The following BCAS4 variants were observed in gnomAD, a reference collection of about 807,000 sequenced individuals.
BCAS4 encodes the protein breast carcinoma-amplified sequence 4.
In BCAS4, 9 loss-of-function variants were observed where a neutral mutation model predicts 15.7. That is an observed-to-expected ratio of 0.57 (90% confidence interval 0.34 to 1.00). The LOEUF is 1.00. BCAS4 is among the 50% of genes least tolerant of loss of function. BCAS4 has a pLI of 0.02. For missense variants in BCAS4, 225 were observed against 239.1 expected, an observed-to-expected ratio of 0.94 and a Z score of 0.39; for synonymous variants, 101 against 99.5, an observed-to-expected ratio of 1.02 and a Z score of -0.09.
chr20:50,844,835 C>G (rs1198822975), intron 4 of BCAS4, among the ~76,000 whole-genome samples: 1 of 152,180 alleles, frequency 6.6e-6, no homozygotes, highest in Non-Finnish European at 1.5e-5. Flanking sequence ...TGGAGAGCCC[C>G]CTAGACCTAC....
intron 3 of BCAS4, among the ~76,000 whole-genome samples, chr20:50,837,768 C>T (rs535063020): frequency 1.3e-5 from 2 of 152,330 alleles, no homozygotes; most frequent in Admixed American, 6.5e-5. Flanking sequence ...TCAGACATCG[C>T]GAGTACACAT....
chr20:50,859,178 G>A (rs1978934799), intron 4 of BCAS4, among the ~76,000 whole-genome samples: 1 of 152,140 alleles, frequency 6.6e-6, no homozygotes, highest in Non-Finnish European at 1.5e-5. Flanking sequence ...CTGGGCTCCA[G>A]TGATCCTTCC....
chr20:50,841,716 G>A (rs779288945), intron 3 of BCAS4, 50 bp from the exon 4 acceptor site: 1 of 1,612,442 alleles, frequency 6.2e-7, no homozygotes, highest in Non-Finnish European at 8.5e-7. Context: ...GGCCAGGAAT[G>A]GGCTCCAGCC....
At chr20:50,831,878 G>A (rs929201869) in intron 3 of BCAS4, among the ~76,000 whole-genome samples, 1 of 152,206 alleles carries the variant, frequency 6.6e-6, no homozygotes, top group East Asian at 1.9e-4. Flanking sequence ...TGTCAGCACC[G>A]AGGTAGCAGA....
At chr20:50,874,253 C>T (rs1190425109) in intron 4 of BCAS4, among the ~76,000 whole-genome samples, 2 of 152,190 alleles carry the variant, frequency 1.3e-5, no homozygotes, top group East Asian at 1.9e-4. Flanking sequence ...GGCTTCCTCC[C>T]TGTCTACGCG....
chr20:50,820,114 A>G (rs115389135), intron 2 of BCAS4, among the ~76,000 whole-genome samples: 1,660 of 152,244 alleles, frequency 0.011, 34 homozygotes, highest in African/African-American at 0.038. Context: ...AAGTGCTGGG[A>G]TTGATTATAG....
intron 4 of BCAS4, among the ~76,000 whole-genome samples, chr20:50,870,240 G>T (rs1308304606): frequency 6.6e-6 from 1 of 152,232 alleles, no homozygotes; most frequent in Non-Finnish European, 1.5e-5. Flanking sequence ...CAAAAACCAG[G>T]CAGGGTCAGG....
rs555617133 is a variant in BCAS4, at chr20:50,870,822, G to T, written c.400-5664G>T. ...AGGGTGGACGCAGGGAGCTGCGGGG[G>T]TGTGGGGAGACTCTGAAAGCAGCCA... On this transcript the variant is annotated intron_variant, in intron 4 of 4. Transcript: ENST00000371608. Among the ~76,000 whole-genome samples the T allele has an allele frequency of 3.3e-5, 5 of 152,372 alleles. No homozygotes were observed. In the South Asian group the frequency reaches 1.0e-3, roughly 32 times the overall value.
At chr20:50,861,420 T>C (rs1174538331) in intron 4 of BCAS4, among the ~76,000 whole-genome samples, 3 of 152,236 alleles carry the variant, frequency 2.0e-5, no homozygotes, top group African/African-American at 7.2e-5. Context: ...GTGGAGGGGC[T>C]GGACCAGAGC....
At position 50,795,095 on chromosome 20, in the gene BCAS4, G is replaced by A. The variant is rs944301604; in HGVS notation, c.12G>A (p.Val4=). The change falls in exon 1 of 5, where the codon GTG becomes GTA. Residue 4 remains valine (V), a synonymous_variant. Coordinates refer to ENST00000371608, the MANE Select transcript of BCAS4 (RefSeq NM_198799.4). The stretch of plus-strand genomic sequence containing the variant: ...CCGTCGCCCTCCTGATGCTGCTCGT[G>A]GACGCTGATCAGCCGGAGCCCATGC... The part of the protein sequence containing the change: MLL[V]DADQPEPMRS... 61 of 1,504,962 alleles carry A rather than the reference G, an allele frequency of 4.1e-5. No individual in the cohort carries two copies. The highest frequency in any genetic ancestry group is 4.5e-5 in the Non-Finnish European group (51 of 1,128,164). The allele number at this position is 1,504,962 out of a possible 1,614,324, so 93.2% of individuals were successfully genotyped here.
chr20:50,862,971 T>C (rs1264984472), intron 4 of BCAS4, among the ~76,000 whole-genome samples: 3 of 152,114 alleles, frequency 2.0e-5, no homozygotes, highest in Non-Finnish European at 4.4e-5. Context: ...GCTAGAATTA[T>C]AGGCGCATGC....
intron 1 of BCAS4, among the ~76,000 whole-genome samples, chr20:50,805,511 C>T (rs533334777): frequency 1.3e-5 from 2 of 152,298 alleles, no homozygotes; most frequent in Non-Finnish European, 2.9e-5. Flanking sequence ...CTACCTGGCA[C>T]AAGCTGGGGC....
chr20:50,842,910 T>A (rs1230692498), intron 4 of BCAS4, among the ~76,000 whole-genome samples: 1 of 152,196 alleles, frequency 6.6e-6, no homozygotes, highest in Non-Finnish European at 1.5e-5. Flanking sequence ...CTGTCTCCAC[T>A]GTTCCTACCT....
intron 1 of BCAS4, among the ~76,000 whole-genome samples, chr20:50,799,506 A>G (rs77184319): frequency 0.21 from 32,462 of 152,118 alleles, 3,671 homozygotes; most frequent in African/African-American, 0.29. Flanking sequence ...AGGAAAACCT[A>G]GTTTGCGAAC....
At chr20:50,838,118 C>T (rs1051872753) in intron 3 of BCAS4, among the ~76,000 whole-genome samples, 2 of 152,216 alleles carry the variant, frequency 1.3e-5, no homozygotes, top group African/African-American at 2.4e-5. Context: ...CACCCAATGT[C>T]GTTTTGCTAA....
intron 2 of BCAS4, among the ~76,000 whole-genome samples, chr20:50,820,083 TCCTC>T (rs1407126974): frequency 6.6e-6 from 1 of 152,186 alleles, no homozygotes; most frequent in African/African-American, 2.4e-5. Context: ...CCTTAAGTGA[TCCTC>T]CCGCCTCGGC....
intron 1 of BCAS4, among the ~76,000 whole-genome samples, chr20:50,797,742 C>T (rs1041397834): frequency 9.9e-5 from 15 of 151,948 alleles, no homozygotes; most frequent in Admixed American, 3.3e-4. Context: ...CTCGGCTCAC[C>T]GCAACCTCCA....
intron 1 of BCAS4, among the ~76,000 whole-genome samples, chr20:50,816,216 G>A (rs2088135227): frequency 1.3e-5 from 2 of 151,996 alleles, no homozygotes; most frequent in South Asian, 4.2e-4. Flanking sequence ...AGTAGAGACG[G>A]GGTTTCGCCA....
intron 3 of BCAS4, among the ~76,000 whole-genome samples, chr20:50,836,934 C>T (rs560514414): frequency 9.9e-5 from 15 of 152,088 alleles, no homozygotes; most frequent in Non-Finnish European, 2.1e-4. Context: ...ATCTTGAACT[C>T]CTGGGTCAAG....
Sources: gnomAD v4.1 joint callset for allele counts (sites outside exome capture counted in the v4.1 genomes callset) on GRCh38, gnomAD v4.1.1 for gene constraint, MANE v1.5 for transcripts, NCBI Gene and HGNC (gene_info 2026-07-23, HGNC 2026-07-21) for gene names.